Variants in ATP2B3 observed in about 807,000 individuals in gnomAD.
ATP2B3 encodes the protein ATPase plasma membrane Ca2+ transporting 3, also known as plasma membrane calcium-transporting ATPase 3.
A neutral mutation model predicts 70.8 loss-of-function variants in ATP2B3; 12 were observed. The ratio of observed to expected loss-of-function variants is 0.17; its 90% confidence interval spans 0.11 to 0.27. ATP2B3 has a LOEUF of 0.27. Ranked by LOEUF, ATP2B3 falls within the 10% of genes least tolerant of loss-of-function variation. The probability of loss-of-function intolerance (pLI) is 1.00; values close to 1 mark genes in which losing one functional copy is unlikely to be tolerated. For synonymous variants in ATP2B3, 460 were observed against 497.8 expected (o/e 0.92, Z 1.01); for missense variants, 858 against 1,118.5 (o/e 0.77, Z 3.32).
chrX:153,561,871 C>T (rs1457411645), intron 19 of ATP2B3, among the ~76,000 whole-genome samples: 6 of 112,754 alleles, frequency 5.3e-5, no homozygotes, highest in Non-Finnish European at 9.4e-5. Context: ...GGTGTCACAG[C>T]CTCCGTCTTG....
At chrX:153,548,349 A>T (rs2090402907) in intron 9 of ATP2B3, among the ~76,000 whole-genome samples, 1 of 110,405 alleles carries the variant, frequency 9.1e-6, no homozygotes, top group African/African-American at 3.3e-5. Flanking sequence ...GCAGTGGGGG[A>T]TTGACTCTTG....
chrX:153,542,130 G>T (rs377281784), intron 5 of ATP2B3, among the ~76,000 whole-genome samples, 193 bp from the exon 6 acceptor site: 4 of 87,490 alleles, frequency 4.6e-5, no homozygotes, highest in African/African-American at 2.2e-4. Context: ...GCAGGCCCCC[G>T]AAGAATCAAC....
At chrX:153,523,278 C>A (rs782121931) in intron 2 of ATP2B3, among the ~76,000 whole-genome samples, 1 of 112,482 alleles carries the variant, frequency 8.9e-6, no homozygotes, top group African/African-American at 3.2e-5. Flanking sequence ...ACCAAGCACC[C>A]GGGATGTATC....
chrX:153,518,743 A>G (rs1225316969), intron 2 of ATP2B3, among the ~76,000 whole-genome samples, 192 bp downstream of exon 2: 2 of 111,326 alleles, frequency 1.8e-5, no homozygotes, highest in African/African-American at 6.5e-5. Context: ...TGAGGGCTCC[A>G]TGAGGGTTTA....
intron 21 of ATP2B3, chrX:153,569,559 G>T: frequency 8.3e-7 from 1 of 1,200,321 alleles, no homozygotes; most frequent in Non-Finnish European, 1.1e-6. Flanking sequence ...TGATAGCCTG[G>T]ACAACAGTGC....
chrX:153,560,488 G>A (rs1465534020), intron 18 of ATP2B3, among the ~76,000 whole-genome samples, 188 bp from the exon 19 acceptor site: 3 of 111,659 alleles, frequency 2.7e-5, no homozygotes, highest in African/African-American at 9.8e-5. Context: ...TGGCCCAGAG[G>A]GGTCTCAGGA....
At chrX:153,549,282 T>A (rs939913491) in intron 10 of ATP2B3, among the ~76,000 whole-genome samples, 11 of 105,576 alleles carry the variant, frequency 1.0e-4, no homozygotes, top group Admixed American at 1.0e-3. Flanking sequence ...GCAGGGGAGG[T>A]CCCGGGTGCG....
chrX:153,550,214 G>A lies in ATP2B3; in HGVS notation c.1751G>A (p.Ser584Asn). 1 of 1,212,622 alleles carries A rather than the reference G, an allele frequency of 8.2e-7. No individual in the cohort carries two copies. Among genetic ancestry groups the A allele is most frequent in the Non-Finnish European group, 1.1e-6 (1 of 895,678 alleles). ...YTFNSVRKSM[S>N]TVIRMPDGGF... ...TTCAACTCGGTCCGCAAGTCCATGA[G>A]CACAGTCATCCGCATGCCCGACGGT... The change falls in exon 12 of 22, where the codon AGC (serine) becomes AAC (asparagine). Residue 584 changes from serine to asparagine, a missense_variant. By Grantham distance (46) the Ser-to-Asn change is conservative (BLOSUM62 1). This residue lies in a region of ATP2B3 where 242 missense variants were observed against 281.3 expected (regional missense o/e 0.86). Coordinates refer to ENST00000263519, the MANE Select transcript of ATP2B3 (RefSeq NM_001001344.3).
chrX:153,525,310 C>T (rs1016142563), intron 2 of ATP2B3, among the ~76,000 whole-genome samples: 1 of 112,404 alleles, frequency 8.9e-6, no homozygotes. Flanking sequence ...CGGTTCGAAA[C>T]TGAACCTACA....
At chrX:153,537,656 G>C (rs944775762) in intron 3 of ATP2B3, among the ~76,000 whole-genome samples, 12 of 112,252 alleles carry the variant, frequency 1.1e-4, no homozygotes, top group Non-Finnish European at 9.4e-5. Flanking sequence ...ACGCCCTCAC[G>C]GTGCAGCTGC....
intron 20 of ATP2B3, among the ~76,000 whole-genome samples, chrX:153,564,013 C>T (rs2090664923): frequency 8.9e-6 from 1 of 112,210 alleles, no homozygotes; most frequent in Non-Finnish European, 1.9e-5. Flanking sequence ...GACTGTTCCC[C>T]CCACTTCCCA....
chrX:153,569,113 G>A, intron 21 of ATP2B3: 2 of 305,416 alleles, frequency 6.5e-6, no homozygotes, highest in Non-Finnish European at 1.3e-5. Context: ...TCGAGGGGGC[G>A]CCCCCTGCCC....
chrX:153,531,955 C>T (rs782089808), intron 2 of ATP2B3, among the ~76,000 whole-genome samples: 5 of 111,775 alleles, frequency 4.5e-5, no homozygotes, highest in African/African-American at 6.5e-5. Context: ...AGCAGGTGGC[C>T]GAGTGGAATG....
Position 153,580,652 on chromosome X carries a change from C to CT in ATP2B3, c.*360dup, listed in dbSNP as rs1208718623. The CT allele has an allele frequency of 2.5e-5, 5 of 198,351 alleles. No homozygotes were observed. The highest frequency in any genetic ancestry group is 3.7e-5 in the Non-Finnish European group (4 of 107,751). 16.3% of individuals were successfully genotyped at this position (198,351 alleles called of 1,213,427 possible). A position where few individuals can be genotyped will look rare whatever the true frequency, so the allele number is the denominator to read the frequency against. ...CCCACCTTTTTTTCTATTGATGCTT[C>CT]TTTTTTAACAAACTACAGTTTTACC... is the stretch of plus-strand genomic sequence containing the variant. On this transcript the variant is annotated 3_prime_UTR_variant, in exon 22 of 22. Transcript: ENST00000263519.
chrX:153,568,511 C>T (rs928557453), intron 21 of ATP2B3, among the ~76,000 whole-genome samples: 9 of 111,499 alleles, frequency 8.1e-5, no homozygotes, highest in Non-Finnish European at 1.3e-4. Flanking sequence ...CAAGCCACCG[C>T]GACGCCATCA....
At position 153,556,324 on chromosome X, in the gene ATP2B3, TC is replaced by T; in HGVS notation, c.2239-3del. The T allele has an allele frequency of 8.3e-7, 1 of 1,205,041 alleles. No individual in the cohort carries two copies. The highest frequency in any genetic ancestry group is 2.2e-5 in the Admixed American group (1 of 45,419). On this transcript the variant is annotated splice_polypyrimidine_tract_variant and splice_region_variant and intron_variant, in intron 14 of 21. Transcript: ENST00000263519. ...CTCTGCAGCGTCCTTGTGCTTCCCCTCCCCAGATAGAACAGGAGCGGCTGGA... is the reference window on the plus strand; with the variant it reads ...CTCTGCAGCGTCCTTGTGCTTCCCCTCCCAGATAGAACAGGAGCGGCTGGA...
intron 2 of ATP2B3, among the ~76,000 whole-genome samples, chrX:153,527,357 G>A (rs1184122768): frequency 3.5e-5 from 4 of 113,091 alleles, no homozygotes; most frequent in Non-Finnish European, 5.6e-5. Context: ...TCCCCATGCC[G>A]TCCCTGCCTT....
chrX:153,546,125 C>T lies in ATP2B3; in HGVS notation c.954C>T (p.Thr318=). The T allele has an allele frequency of 8.3e-7, 1 of 1,210,900 alleles. No homozygotes were observed. The highest frequency in any genetic ancestry group is 1.1e-6 in the Non-Finnish European group (1 of 895,216). The stretch of plus-strand genomic sequence containing the variant: ...ATGGGGCCATGGAGAGTAGCCAGAC[C>T]AAAGGTAACGGGCGCCGCTGCTTGG... The part of the protein sequence containing the change: ...QQDGAMESSQ[T]KAKKQDGAVA... The change falls in exon 8 of 22, where the codon ACC becomes ACT. Residue 318 remains threonine (T), a synonymous_variant. Coordinates refer to ENST00000263519, the MANE Select transcript of ATP2B3 (RefSeq NM_001001344.3).
chrX:153,543,352 C>T (rs1160267066), intron 7 of ATP2B3, among the ~76,000 whole-genome samples, 184 bp downstream of exon 7: 2 of 112,434 alleles, frequency 1.8e-5, no homozygotes, highest in African/African-American at 3.2e-5. Flanking sequence ...CCCTGAGAGC[C>T]GGCAGGCCAA....
Sources: allele counts gnomAD v4.1 joint callset (sites outside exome capture counted in the v4.1 genomes callset), GRCh38; gene constraint gnomAD v4.1.1; regional missense constraint gnomAD v4.1.1; transcripts MANE v1.5; gene names NCBI Gene and HGNC (gene_info 2026-07-23, HGNC 2026-07-21).